COL22A1: variants seen among roughly 807,000 people sequenced by gnomAD.
The protein encoded by COL22A1 is collagen alpha-1(XXII) chain.
COL22A1 carries 221 observed loss-of-function variants against 248.9 expected under a neutral mutation model. The observed-to-expected ratio is 0.89, with a 90% CI of 0.80 to 0.99. The LOEUF (loss-of-function observed/expected upper bound fraction) is 0.99, where lower values mean the gene tolerates loss of function less well. Among genes scored for constraint, COL22A1 ranks in the 50% least tolerant of loss-of-function variants. The probability of loss-of-function intolerance (pLI) is 0.00; values close to 1 mark genes in which losing one functional copy is unlikely to be tolerated. For synonymous variants in COL22A1, 891 were observed against 793.4 expected (o/e 1.12, Z -2.07); for missense variants, 2,240 against 2,179.0 (o/e 1.03, Z -0.56).
At chr8:138,765,706 A>C (rs186020187) in intron 16 of COL22A1, among the ~76,000 whole-genome samples, 2 of 152,228 alleles carry the variant, frequency 1.3e-5, no homozygotes, top group Non-Finnish European at 2.9e-5. Context: ...TCACGCCCAG[A>C]GAAAGAGAGA....
At chr8:138,659,642 C>A (rs1041558098) in intron 44 of COL22A1, among the ~76,000 whole-genome samples, 2 of 152,186 alleles carry the variant, frequency 1.3e-5, no homozygotes, top group Admixed American at 6.5e-5. Flanking sequence ...CCTAGAGGGT[C>A]CACCTATAGC....
At chr8:138,655,684 C>T (rs541198216) in intron 45 of COL22A1, among the ~76,000 whole-genome samples, 2 of 151,976 alleles carry the variant, frequency 1.3e-5, no homozygotes, top group African/African-American at 4.8e-5. Context: ...AATTAGTTTC[C>T]ATTTAGATTG....
At chr8:138,850,110 G>A (rs1386653125) in intron 3 of COL22A1, among the ~76,000 whole-genome samples, 1 of 152,104 alleles carries the variant, frequency 6.6e-6, no homozygotes, top group African/African-American at 2.4e-5. Flanking sequence ...ACAACTCAGG[G>A]TTCAGACATT....
intron 16 of COL22A1, among the ~76,000 whole-genome samples, chr8:138,770,802 A>T (rs1834298589): frequency 6.6e-6 from 1 of 152,186 alleles, no homozygotes; most frequent in Admixed American, 6.5e-5. Flanking sequence ...TCACCAGCAC[A>T]TCAGCAAGGG....
intron 11 of COL22A1, 78 bp from the exon 12 acceptor site, chr8:138,796,935 G>A (rs571996024): frequency 5.1e-5 from 48 of 949,002 alleles, no homozygotes; most frequent in African/African-American, 2.7e-4. Flanking sequence ...ACATCATCCC[G>A]AGATTTGAAA....
rs1460601921 is a variant in COL22A1 at position 138,878,018 on chromosome 8, G to A, written c.390C>T (p.Ser130=). The A allele has an allele frequency of 2.5e-6, 4 of 1,589,424 alleles. No homozygotes were observed. Among genetic ancestry groups the A allele is most frequent in the Admixed American group, 1.8e-5 (1 of 56,598 alleles). The change falls in exon 3 of 65, where the codon TCC becomes TCT. Residue 130 remains serine (S), a synonymous_variant. Coordinates refer to ENST00000303045, the MANE Select transcript of COL22A1 (RefSeq NM_152888.3). ...CCCTGGGGCGGCCGCCGGCGTGTGGGGAGAAGCTGCGGGCCGTGATGTAGC... is the reference window on the plus strand; with the variant it reads ...CCCTGGGGCGGCCGCCGGCGTGTGGAGAGAAGCTGCGGGCCGTGATGTAGC... ...ALRYITARSF[S]PHAGGRPRDR... is the part of the protein sequence containing the mutation.
At chr8:138,832,099 C>T (rs370243303) in intron 5 of COL22A1, among the ~76,000 whole-genome samples, 1 of 152,216 alleles carries the variant, frequency 6.6e-6, no homozygotes, top group East Asian at 1.9e-4. Context: ...CTCCCATCAG[C>T]GCCATGACAG....
Position 138,811,865 on chromosome 8 carries a change from G to C in COL22A1, c.1383C>G (p.Pro461=). The change falls in exon 9 of 65, where the codon CCC becomes CCG. Residue 461 remains proline (P), a synonymous_variant. Transcript: ENST00000303045. The stretch of plus-strand genomic sequence containing the variant: ...ACCCAATCTGTTCACTGCCTGGGGT[G>C]GGAGGCCGCTGGGGTGGGGGTGGAG... ...PPPPPPPQRP[P]TPGSEQIGFL... is the part of the protein sequence containing the mutation. 6.2e-7 allele frequency: 1 copy of C among 1,605,000 alleles called. No individual in the cohort carries two copies. The highest frequency in any genetic ancestry group is 2.2e-5 in the East Asian group (1 of 44,516).
At chr8:138,902,193 G>A (rs916892238) in intron 1 of COL22A1, among the ~76,000 whole-genome samples, 2 of 152,146 alleles carry the variant, frequency 1.3e-5, no homozygotes, top group South Asian at 4.1e-4. Context: ...TGAAGCTTTC[G>A]TGGCAAAGGT....
At chr8:138,838,559 A>G (rs572356429) in intron 4 of COL22A1, among the ~76,000 whole-genome samples, 2 of 152,204 alleles carry the variant, frequency 1.3e-5, no homozygotes, top group South Asian at 4.2e-4. Context: ...AAGCAAGCCT[A>G]TGCTCTACTT....
intron 12 of COL22A1, among the ~76,000 whole-genome samples, chr8:138,795,517 T>G (rs1044823110): frequency 9.3e-6 from 1 of 107,466 alleles, no homozygotes; most frequent in Non-Finnish European, 1.8e-5. Context: ...GTCTCTCCTC[T>G]CTCTCTTTCA....
At position 138,843,979 on chromosome 8, in the gene COL22A1, C is replaced by A. The variant is rs536780868; in HGVS notation, c.733+105G>T. Reference sequence around the variant, plus strand: ...TCAGGACTCTGGTGAAATATGGGAACAAGAACAGGGTCAGTGAGGCCACCC... The same window carrying A: ...TCAGGACTCTGGTGAAATATGGGAAAAAGAACAGGGTCAGTGAGGCCACCC... On this transcript the variant is annotated intron_variant, in intron 4 of 64. Transcript: ENST00000303045. 755 of 967,300 alleles carry A rather than the reference C, an allele frequency of 7.8e-4. 2 individuals are homozygous for A. The highest frequency in any genetic ancestry group is 1.2e-3 in the Non-Finnish European group (686 of 592,628). The allele number at this position is 967,300 out of a possible 1,614,324, so 59.9% of individuals were successfully genotyped here. A position where few individuals can be genotyped will look rare whatever the true frequency, so the allele number is the denominator to read the frequency against.
rs1267067118 is a variant in COL22A1 at position 138,694,807 on chromosome 8, G to A, written c.2646+19C>T. 6.2e-7 allele frequency: 1 copy of A among 1,613,210 alleles called. No homozygotes were observed. Among genetic ancestry groups the A allele is most frequent in the Admixed American group, 1.7e-5 (1 of 59,910 alleles). On this transcript the variant is annotated intron_variant, in intron 33 of 64. Coordinates refer to ENST00000303045, the MANE Select transcript of COL22A1 (RefSeq NM_152888.3). ...CCAGGTAACCAGCCCTGCGGGGGAA[G>A]GGGACACAAGAGACTCACCGGTTCC...
chr8:138,839,848 G>A (rs1169791892), intron 4 of COL22A1, among the ~76,000 whole-genome samples: 1 of 152,204 alleles, frequency 6.6e-6, no homozygotes, highest in Non-Finnish European at 1.5e-5. Flanking sequence ...TTATTGGCTA[G>A]AATTTGTAGA....
At chr8:138,877,659 T>A (rs1396240587) in intron 3 of COL22A1, 91 bp downstream of exon 3, 1 of 1,315,594 alleles carries the variant, frequency 7.6e-7, no homozygotes, top group Non-Finnish European at 1.0e-6. Context: ...GAGCCGGCCG[T>A]AGGATCCCTA....
At chr8:138,805,847 TG>T (rs1468991089) in intron 10 of COL22A1, among the ~76,000 whole-genome samples, 2,474 of 138,324 alleles carry the variant, frequency 0.018, 42 homozygotes, top group African/African-American at 0.062. Context: ...TGTGTGTGTA[TG>T]TGTGATGGTG....
intron 47 of COL22A1, among the ~76,000 whole-genome samples, chr8:138,639,528 G>A (rs1054058024): frequency 3.9e-5 from 6 of 152,130 alleles, no homozygotes; most frequent in Non-Finnish European, 8.8e-5. Flanking sequence ...CTTCAGAAGA[G>A]GTTTATTAAA....
chr8:138,787,064 T>C (rs1586743669), intron 12 of COL22A1, among the ~76,000 whole-genome samples: 1 of 152,324 alleles, frequency 6.6e-6, no homozygotes, highest in East Asian at 1.9e-4. Context: ...GAACATAATT[T>C]GCAGACTATG....
At chr8:138,660,962 A>G (rs1331256536) in intron 43 of COL22A1, among the ~76,000 whole-genome samples, 11 of 62,054 alleles carry the variant, frequency 1.8e-4, no homozygotes, top group Non-Finnish European at 4.3e-4. Context: ...ACAGACACAC[A>G]CGCACACACA....
Sources: gnomAD v4.1 joint callset for allele counts (sites outside exome capture counted in the v4.1 genomes callset) on GRCh38, gnomAD v4.1.1 for gene constraint, MANE v1.5 for transcripts, NCBI Gene and HGNC (gene_info 2026-07-23, HGNC 2026-07-21) for gene names.